Variants in CSGALNACT1 observed in about 807,000 individuals in gnomAD.
CSGALNACT1 encodes the protein beta4GalNAcT-1.
A neutral mutation model predicts 51.0 loss-of-function variants in CSGALNACT1; 52 were observed. The observed-to-expected ratio is 1.02, with a 90% CI of 0.82 to 1.29. The LOEUF (loss-of-function observed/expected upper bound fraction) is 1.29, where lower values mean the gene tolerates loss of function less well. Among genes scored for constraint, CSGALNACT1 ranks in the 50% most tolerant of loss-of-function variants. The pLI is 0.00. For missense variants in CSGALNACT1, 935 were observed against 679.2 expected, an observed-to-expected ratio of 1.38 and a Z score of -4.19; for synonymous variants, 341 against 254.4, an observed-to-expected ratio of 1.34 and a Z score of -3.24.
At chr8:19,599,231 G>A (rs2049690753) in intron 2 of CSGALNACT1, among the ~76,000 whole-genome samples, 1 of 151,958 alleles carries the variant, frequency 6.6e-6, no homozygotes, top group Non-Finnish European at 1.5e-5. Flanking sequence ...TCTTTTCTTT[G>A]ATAGGAGGAA....
intron 3 of CSGALNACT1, among the ~76,000 whole-genome samples, chr8:19,540,600 G>C (rs1461540807): frequency 1.3e-5 from 2 of 152,162 alleles, no homozygotes; most frequent in Admixed American, 1.3e-4. Flanking sequence ...ATGTCTTAAT[G>C]TGGTGGGCCA....
At chr8:19,452,240 G>A (rs2063308314) in intron 5 of CSGALNACT1, among the ~76,000 whole-genome samples, 1 of 152,206 alleles carries the variant, frequency 6.6e-6, no homozygotes, top group African/African-American at 2.4e-5. Context: ...AGATTCAGGT[G>A]AGAGAAGGCA....
chr8:19,472,664 G>C (rs1035781419), intron 4 of CSGALNACT1, among the ~76,000 whole-genome samples: 3 of 152,302 alleles, frequency 2.0e-5, no homozygotes, highest in Middle Eastern at 3.4e-3. Context: ...GCAATCAAAA[G>C]GATGTTTTAA....
intron 9 of CSGALNACT1, among the ~76,000 whole-genome samples, chr8:19,406,778 G>A (rs989125294): frequency 1.2e-4 from 19 of 152,076 alleles, no homozygotes; most frequent in African/African-American, 1.9e-4. Flanking sequence ...AGTGCCTCTC[G>A]GCTCACTGCA....
intron 3 of CSGALNACT1, among the ~76,000 whole-genome samples, chr8:19,561,207 T>C (rs906571046): frequency 2.0e-5 from 3 of 152,178 alleles, no homozygotes; most frequent in African/African-American, 7.2e-5. Context: ...CATGGAAGGT[T>C]ATGGACAATC....
intron 4 of CSGALNACT1, among the ~76,000 whole-genome samples, chr8:19,496,689 G>A (rs2075528679): frequency 6.6e-6 from 1 of 152,300 alleles, no homozygotes; most frequent in Non-Finnish European, 1.5e-5. Context: ...GGAGTCACAG[G>A]TGCTGGCAGG....
chr8:19,533,561 A>G (rs1203794349), intron 3 of CSGALNACT1, among the ~76,000 whole-genome samples: 1 of 152,186 alleles, frequency 6.6e-6, no homozygotes, highest in African/African-American at 2.4e-5. Context: ...CTTGGTCTTC[A>G]AGCACTAGAG....
At chr8:19,534,894 T>C (rs1267010187) in intron 3 of CSGALNACT1, among the ~76,000 whole-genome samples, 1 of 152,196 alleles carries the variant, frequency 6.6e-6, no homozygotes, top group Non-Finnish European at 1.5e-5. Context: ...TAACCATATA[T>C]TTTGTGTCTA....
At chr8:19,607,463 G>C (rs1244530196), upstream of CSGALNACT1, among the ~76,000 whole-genome samples, 1 of 152,182 alleles carries the variant, frequency 6.6e-6, no homozygotes, top group Non-Finnish European at 1.5e-5. Flanking sequence ...ACAGACAGCT[G>C]ATGGACCTCC....
chr8:19,685,921 C>T (rs1329161054), upstream of CSGALNACT1, among the ~76,000 whole-genome samples: 1 of 152,148 alleles, frequency 6.6e-6, no homozygotes, highest in East Asian at 1.9e-4. Context: ...TTCATTAAGG[C>T]CACCTGATCA....
chr8:19,576,997 C>G (rs1017763415), intron 3 of CSGALNACT1, among the ~76,000 whole-genome samples: 4 of 152,112 alleles, frequency 2.6e-5, no homozygotes, highest in African/African-American at 7.2e-5. Context: ...GAGCAACCCT[C>G]TCGCCCTCCA....
chr8:19,433,717 T>G (rs2059977719), intron 6 of CSGALNACT1, among the ~76,000 whole-genome samples: 2 of 152,254 alleles, frequency 1.3e-5, no homozygotes, highest in Non-Finnish European at 2.9e-5. Context: ...GTCCAATGCA[T>G]GTGGCCCAGG....
chr8:19,629,818 A>T (rs796909706), intron 1 of CSGALNACT1, among the ~76,000 whole-genome samples: 7 of 152,212 alleles, frequency 4.6e-5, no homozygotes, highest in African/African-American at 1.4e-4. Flanking sequence ...CTTCTAATGT[A>T]TCATTCTCTC....
At chr8:19,655,154 CAA>C (rs2058148216) in intron 1 of CSGALNACT1, among the ~76,000 whole-genome samples, 1 of 152,078 alleles carries the variant, frequency 6.6e-6, no homozygotes, top group South Asian at 2.1e-4. Flanking sequence ...TGGAATGGTG[CAA>C]AGATTTTCCT....
chr8:19,449,733 T>C (rs751943835), intron 5 of CSGALNACT1, among the ~76,000 whole-genome samples: 3 of 152,148 alleles, frequency 2.0e-5, no homozygotes, highest in Admixed American at 6.5e-5. Flanking sequence ...AGGAGGAATA[T>C]AGCAACATGA....
At chr8:19,517,601 C>G (rs1365313429) in intron 3 of CSGALNACT1, among the ~76,000 whole-genome samples, 1 of 152,120 alleles carries the variant, frequency 6.6e-6, no homozygotes, top group Non-Finnish European at 1.5e-5. Flanking sequence ...GCTTAATGGA[C>G]TCACAGTTCC....
At chr8:19,525,269 G>GCATCATTAC (rs1239806933) in intron 3 of CSGALNACT1, among the ~76,000 whole-genome samples, 2 of 151,994 alleles carry the variant, frequency 1.3e-5, no homozygotes, top group Admixed American at 6.6e-5. Context: ...ATTGTGGGAG[G>GCATCATTAC]CATCATTACT....
intron 3 of CSGALNACT1, among the ~76,000 whole-genome samples, chr8:19,541,843 G>A (rs535169063): frequency 6.6e-6 from 1 of 152,078 alleles, no homozygotes; most frequent in East Asian, 1.9e-4. Context: ...TAAAATAACT[G>A]TGTGCAATAG....
At chr8:19,564,775 G>C (rs974289170) in intron 3 of CSGALNACT1, among the ~76,000 whole-genome samples, 7 of 152,176 alleles carry the variant, frequency 4.6e-5, no homozygotes, top group Admixed American at 3.9e-4. Flanking sequence ...CACTTTTTCT[G>C]TAGTATTTCT....
Sources: allele counts gnomAD v4.1 joint callset (sites outside exome capture counted in the v4.1 genomes callset), GRCh38; gene constraint gnomAD v4.1.1; transcripts MANE v1.5; gene names NCBI Gene and HGNC (gene_info 2026-07-23, HGNC 2026-07-21).